Variants in TUSC3 observed in about 807,000 individuals in gnomAD.
TUSC3 encodes dolichyl-diphosphooligosaccharide--protein glycosyltransferase subunit TUSC3.
Under a neutral mutation model 44.8 loss-of-function variants are expected in TUSC3, and 45 were observed. The observed-to-expected ratio is 1.00, with a 90% CI of 0.79 to 1.29. The LOEUF is 1.29. Among genes scored for constraint, TUSC3 ranks in the 50% most tolerant of loss-of-function variants. The pLI, the probability that TUSC3 is intolerant of heterozygous loss-of-function variation, is 0.00. For missense variants in TUSC3, 519 were observed against 437.9 expected, an observed-to-expected ratio of 1.19 and a Z score of -1.65; for synonymous variants, 212 against 152.9, an observed-to-expected ratio of 1.39 and a Z score of -2.85.
At chr8:15,830,121 G>T in the TUSC3 span, among the ~76,000 whole-genome samples, 249 of 151,656 alleles carry the variant, frequency 1.6e-3, 3 homozygotes, top group South Asian at 0.021. Context: ...CATGTCCTCT[G>T]CCCACTTTGT....
the TUSC3 span, among the ~76,000 whole-genome samples, chr8:15,776,848 A>C: frequency 6.6e-6 from 1 of 152,106 alleles, no homozygotes; most frequent in Non-Finnish European, 1.5e-5. Flanking sequence ...TAGCCCTTTT[A>C]CTGTTATGTG....
intron 2 of TUSC3, among the ~76,000 whole-genome samples, chr8:15,485,341 G>A (rs1800719555): frequency 6.6e-6 from 1 of 151,970 alleles, no homozygotes; most frequent in African/African-American, 2.4e-5. Flanking sequence ...TTTCTTTGCT[G>A]CATTTTTATC....
intron 1 of TUSC3, among the ~76,000 whole-genome samples, chr8:15,571,373 C>G (rs1035625657): frequency 1.1e-4 from 17 of 152,104 alleles, no homozygotes; most frequent in African/African-American, 4.1e-4. Flanking sequence ...AAAGAGTTAG[C>G]AAGTTTTTTG....
At position 15,739,766 on chromosome 8, in the gene TUSC3, A is replaced by G. The variant is rs557581740; in HGVS notation, c.863-3772A>G. On this transcript the variant is annotated intron_variant, in intron 7 of 10. Coordinates refer to ENST00000503731, the MANE Select transcript of TUSC3 (RefSeq NM_006765.4). ...ATTTCATGCTGAAACTGGGCTAGCA[A>G]TTATGTTCTTTGCCCAATGCTTGTT... Among the ~76,000 whole-genome samples the G allele has an allele frequency of 1.2e-4, 19 of 152,326 alleles. No homozygotes were observed. The South Asian group carries it at 3.1e-3, about 25-fold the overall frequency.
chr8:15,526,167 T>C (rs1412104071), intron 2 of TUSC3, among the ~76,000 whole-genome samples: 1 of 151,906 alleles, frequency 6.6e-6, no homozygotes, highest in Admixed American at 6.6e-5. Flanking sequence ...CGAGTAGCTG[T>C]GACTACAGGC....
intron 2 of TUSC3, among the ~76,000 whole-genome samples, chr8:15,644,881 A>C (rs1806557558): frequency 6.6e-6 from 1 of 152,070 alleles, no homozygotes; most frequent in African/African-American, 2.4e-5. Flanking sequence ...CAAGTATTGT[A>C]TTTGAGTCAA....
rs144525947 is a variant in TUSC3, at chr8:15,656,110, T to G, written c.427-3397T>G. On this transcript the variant is annotated intron_variant, in intron 3 of 10. Coordinates refer to ENST00000503731, the MANE Select transcript of TUSC3 (RefSeq NM_006765.4). ...GGCAGAATATGATGGTTTGAATATT[T>G]TGCATTCAAACAATGAGTAAAAAAC... Among the ~76,000 whole-genome samples, 364 of 152,160 alleles carry G rather than the reference T, an allele frequency of 2.4e-3. 2 individuals are homozygous for G. The highest frequency in any genetic ancestry group is 8.4e-3 in the African/African-American group (349 of 41,554).
chr8:15,738,827 CTTTTTTT>C (rs375655033), intron 7 of TUSC3, among the ~76,000 whole-genome samples: 2 of 87,172 alleles, frequency 2.3e-5, no homozygotes, highest in African/African-American at 9.7e-5. Flanking sequence ...ATATATCTTG[CTTTTTTT>C]TTTTTTTTTT....
At chr8:15,726,585 C>G (rs188050711) in intron 6 of TUSC3, among the ~76,000 whole-genome samples, 1 of 152,130 alleles carries the variant, frequency 6.6e-6, no homozygotes, top group African/African-American at 2.4e-5. Flanking sequence ...CTGGCCGGAT[C>G]ACTTGAGGTC....
At chr8:15,840,489 G>C in the TUSC3 span, among the ~76,000 whole-genome samples, 1 of 152,132 alleles carries the variant, frequency 6.6e-6, no homozygotes, top group South Asian at 2.1e-4. Context: ...AAGTCTAGGA[G>C]TAAAGAGCCT....
At chr8:15,574,420 T>A (rs1379765962) in intron 1 of TUSC3, among the ~76,000 whole-genome samples, 1 of 152,188 alleles carries the variant, frequency 6.6e-6, no homozygotes, top group Admixed American at 6.5e-5. Context: ...ACATGTTTTG[T>A]TGTCATTCTG....
At chr8:15,439,735 T>C (rs1799996498) in intron 1 of TUSC3, among the ~76,000 whole-genome samples, 1 of 152,226 alleles carries the variant, frequency 6.6e-6, no homozygotes. Flanking sequence ...TACTGTGTTA[T>C]CTCTTTTATC....
At chr8:15,814,077 T>C in the TUSC3 span, among the ~76,000 whole-genome samples, 3 of 152,218 alleles carry the variant, frequency 2.0e-5, no homozygotes, top group Admixed American at 2.0e-4. Flanking sequence ...GTATTATTTA[T>C]CTGTATCTTG....
At chr8:15,531,160 A>G (rs1339842728) in intron 2 of TUSC3, among the ~76,000 whole-genome samples, 2 of 152,178 alleles carry the variant, frequency 1.3e-5, no homozygotes, top group Non-Finnish European at 2.9e-5. Flanking sequence ...GCCAACAAAT[A>G]AAATCCCAGG....
At chr8:15,757,666 A>C (rs1007398318) in intron 9 of TUSC3, 125 bp from the exon 10 acceptor site, 1 of 1,220,150 alleles carries the variant, frequency 8.2e-7, no homozygotes, top group African/African-American at 1.6e-5. Context: ...ACCATCGTCT[A>C]TCCCCTGTCT....
intron 1 of TUSC3, among the ~76,000 whole-genome samples, chr8:15,433,581 T>G (rs1799904860): frequency 6.6e-6 from 1 of 151,412 alleles, no homozygotes; most frequent in Non-Finnish European, 1.5e-5. Flanking sequence ...TACACACACA[T>G]ACACACACCA....
intron 6 of TUSC3, among the ~76,000 whole-genome samples, chr8:15,711,883 C>G (rs1413427420): frequency 2.0e-5 from 3 of 151,878 alleles, no homozygotes; most frequent in Admixed American, 1.3e-4. Flanking sequence ...CTGCCACCCC[C>G]AGTTTGATCG....
At chr8:15,640,522 G>A (rs1433379539) in intron 2 of TUSC3, among the ~76,000 whole-genome samples, 1 of 152,290 alleles carries the variant, frequency 6.6e-6, no homozygotes, top group South Asian at 2.1e-4. Flanking sequence ...GTCTTGGCAA[G>A]AAGTTATATA....
chr8:15,638,191 A>C (rs920392231), intron 2 of TUSC3, among the ~76,000 whole-genome samples: 1 of 149,274 alleles, frequency 6.7e-6, no homozygotes, highest in Non-Finnish European at 1.5e-5. Flanking sequence ...CGCCTCTGCT[A>C]GGATCCCTCG....
Sources: allele counts gnomAD v4.1 joint callset (sites outside exome capture counted in the v4.1 genomes callset), GRCh38; gene constraint gnomAD v4.1.1; transcripts MANE v1.5; gene names NCBI Gene and HGNC (gene_info 2026-07-23, HGNC 2026-07-21).